Variants in CDH13 observed in about 807,000 individuals in gnomAD.
The protein encoded by CDH13 is cadherin-13.
A neutral mutation model predicts 63.8 loss-of-function variants in CDH13; 24 were observed. That is an observed-to-expected ratio of 0.38 (90% CI 0.27 to 0.53). The LOEUF (loss-of-function observed/expected upper bound fraction) is 0.53, where lower values mean the gene tolerates loss of function less well. CDH13 is among the 20% of genes least tolerant of loss of function. CDH13 has a pLI of 0.85. For synonymous variants in CDH13, 503 were observed against 355.3 expected (o/e 1.42, Z -4.67); for missense variants, 1,049 against 903.1 (o/e 1.16, Z -2.07).
At chr16:83,473,749 T>G (rs1205814172) in intron 6 of CDH13, among the ~76,000 whole-genome samples, 4 of 152,126 alleles carry the variant, frequency 2.6e-5, no homozygotes, top group Non-Finnish European at 5.9e-5. Context: ...TGGAGCTGAG[T>G]AGGGAAGTTG....
At chr16:82,900,180 A>C (rs184624226) in intron 2 of CDH13, among the ~76,000 whole-genome samples, 1 of 152,284 alleles carries the variant, frequency 6.6e-6, no homozygotes, top group East Asian at 1.9e-4. Flanking sequence ...CTTTTAGATC[A>C]CATCTTTATT....
intron 5 of CDH13, among the ~76,000 whole-genome samples, chr16:83,292,684 G>A (rs779835314): frequency 1.3e-5 from 2 of 152,206 alleles, no homozygotes; most frequent in South Asian, 2.1e-4. Context: ...AATTGGAATC[G>A]TTGGGAATCT....
chr16:83,703,729 G>C (rs891822039), intron 10 of CDH13, among the ~76,000 whole-genome samples: 2 of 152,098 alleles, frequency 1.3e-5, no homozygotes, highest in South Asian at 2.1e-4. Flanking sequence ...AGAAACAAGG[G>C]GCAAGGAGAC....
chr16:83,254,843 A>C (rs1017204198), intron 5 of CDH13, among the ~76,000 whole-genome samples: 1 of 152,180 alleles, frequency 6.6e-6, no homozygotes, highest in Non-Finnish European at 1.5e-5. Flanking sequence ...AAGATCAATT[A>C]AATTCCTTGT....
chr16:82,677,456 T>TC (rs1281106773), intron 1 of CDH13, among the ~76,000 whole-genome samples: 2 of 151,296 alleles, frequency 1.3e-5, no homozygotes, highest in Non-Finnish European at 2.9e-5. Context: ...CTTTTTTTTT[T>TC]TTTTTTTGGT....
intron 10 of CDH13, among the ~76,000 whole-genome samples, chr16:83,714,188 A>T (rs1425872866): frequency 6.6e-6 from 1 of 152,200 alleles, no homozygotes; most frequent in Non-Finnish European, 1.5e-5. Context: ...AAATCACACG[A>T]TAGTAAATGG....
chr16:83,368,981 C>A (rs79737242), intron 6 of CDH13, among the ~76,000 whole-genome samples: 10 of 133,420 alleles, frequency 7.5e-5, no homozygotes, highest in African/African-American at 2.4e-4. Flanking sequence ...GGCACTTGGC[C>A]TGGTTCCATG....
At chr16:83,122,753 C>T (rs558995079) in intron 3 of CDH13, among the ~76,000 whole-genome samples, 1 of 152,172 alleles carries the variant, frequency 6.6e-6, no homozygotes, top group South Asian at 2.1e-4. Flanking sequence ...ATCTATTACC[C>T]TAGATAAAAA....
chr16:82,695,780 G>T (rs2030211542), intron 1 of CDH13, among the ~76,000 whole-genome samples: 1 of 152,198 alleles, frequency 6.6e-6, no homozygotes, highest in African/African-American at 2.4e-5. Context: ...ATACCATGCA[G>T]CCTGGTAGAG....
chr16:83,560,480 A>G (rs1423655993), intron 7 of CDH13, among the ~76,000 whole-genome samples: 1 of 152,218 alleles, frequency 6.6e-6, no homozygotes, highest in East Asian at 1.9e-4. Flanking sequence ...GGTCAAACTC[A>G]TGGAAGCTGC....
chr16:83,085,318 G>T (rs7204564), intron 3 of CDH13, among the ~76,000 whole-genome samples: 86,223 of 151,856 alleles, frequency 0.57, 24,816 homozygotes, highest in East Asian at 0.68. Context: ...CCAGCCCCCA[G>T]GATTCAATTA....
At chr16:83,707,936 G>A (rs1357759526) in intron 10 of CDH13, among the ~76,000 whole-genome samples, 2 of 150,544 alleles carry the variant, frequency 1.3e-5, no homozygotes, top group Non-Finnish European at 2.9e-5. Flanking sequence ...CTTCTCTTTG[G>A]ACTCATCCTC....
chr16:82,732,838 C>A (rs570048247), intron 1 of CDH13, among the ~76,000 whole-genome samples: 19 of 146,948 alleles, frequency 1.3e-4, no homozygotes, highest in Non-Finnish European at 2.1e-4. Flanking sequence ...TGTCCGACAT[C>A]TGGGGATGAG....
At chr16:82,794,155 T>G (rs900061253) in intron 1 of CDH13, among the ~76,000 whole-genome samples, 19 of 151,682 alleles carry the variant, frequency 1.3e-4, no homozygotes, top group African/African-American at 4.1e-4. Flanking sequence ...GTTATGAAAT[T>G]TTTTTGCAAT....
At chr16:83,034,846 C>T (rs1427323460) in intron 3 of CDH13, among the ~76,000 whole-genome samples, 1 of 152,136 alleles carries the variant, frequency 6.6e-6, no homozygotes, top group South Asian at 2.1e-4. Context: ...GAGATGCCAT[C>T]CAGAGACAAA....
chr16:83,425,151 A>G (rs2071851533), intron 6 of CDH13, among the ~76,000 whole-genome samples: 1 of 152,176 alleles, frequency 6.6e-6, no homozygotes, highest in Non-Finnish European at 1.5e-5. Context: ...GTAAAAGGTC[A>G]TTCTGCTCTC....
Position 82,944,032 on chromosome 16 carries a change from C to A in CDH13, c.157+85559C>A, listed in dbSNP as rs569659767. The stretch of plus-strand genomic sequence containing the variant: ...GATAGCCCTTTATCAGCTGAGTCCC[C>A]TTGAGATTAAGTATTTAATGTCTCT... On this transcript the variant is annotated intron_variant, in intron 2 of 13. Transcript: ENST00000567109. Among the ~76,000 whole-genome samples, 6 of 152,252 alleles carry A rather than the reference C, an allele frequency of 3.9e-5. No homozygotes were observed. The South Asian group carries it at 1.2e-3, about 32-fold the overall frequency.
At chr16:82,885,026 T>G (rs2040833944) in intron 2 of CDH13, among the ~76,000 whole-genome samples, 1 of 152,176 alleles carries the variant, frequency 6.6e-6, no homozygotes, top group Non-Finnish European at 1.5e-5. Flanking sequence ...GAGGCTACTT[T>G]GTGTTTTGGC....
At chr16:82,955,249 C>A (rs967308530) in intron 2 of CDH13, among the ~76,000 whole-genome samples, 7 of 152,138 alleles carry the variant, frequency 4.6e-5, no homozygotes, top group Non-Finnish European at 5.9e-5. Flanking sequence ...TTTAATTAAG[C>A]AAGATGCCTG....
Sources: gnomAD v4.1 joint callset for allele counts (sites outside exome capture counted in the v4.1 genomes callset) on GRCh38, gnomAD v4.1.1 for gene constraint, MANE v1.5 for transcripts, NCBI Gene and HGNC (gene_info 2026-07-23, HGNC 2026-07-21) for gene names.